Variants in NXPE2 observed in about 807,000 individuals in gnomAD.
The protein encoded by NXPE2 is neurexophilin and PC-esterase domain family member 2.
NXPE2 carries 34 observed loss-of-function variants against 34.4 expected under a neutral mutation model. The ratio of observed to expected loss-of-function variants is 0.99; its 90% CI spans 0.75 to 1.31. NXPE2 has a LOEUF of 1.31. NXPE2 is among the 40% of genes most tolerant of loss of function. The pLI is 0.00. For missense variants in NXPE2, 649 were observed against 672.5 expected, an observed-to-expected ratio of 0.97 and a Z score of 0.39; for synonymous variants, 235 against 231.3, an observed-to-expected ratio of 1.02 and a Z score of -0.15.
At chr11:114,627,395 C>T in the NXPE2 span, among the ~76,000 whole-genome samples, 1 of 151,636 alleles carries the variant, frequency 6.6e-6, no homozygotes, top group Admixed American at 6.6e-5. Flanking sequence ...ATTTTCAACC[C>T]AGAATTTCAT....
At chr11:114,666,157 C>T in the NXPE2 span, among the ~76,000 whole-genome samples, 1 of 152,160 alleles carries the variant, frequency 6.6e-6, no homozygotes, top group East Asian at 1.9e-4. Context: ...CCTTCTCCTT[C>T]TCTCTCTAAG....
the NXPE2 span, among the ~76,000 whole-genome samples, chr11:114,760,798 C>CTGAAAT: frequency 6.6e-6 from 1 of 152,150 alleles, no homozygotes; most frequent in Admixed American, 6.5e-5. Flanking sequence ...CAACTCTTCC[C>CTGAAAT]TGAAATTTCA....
the NXPE2 span, among the ~76,000 whole-genome samples, chr11:114,798,714 T>C: frequency 6.6e-6 from 1 of 152,206 alleles, no homozygotes; most frequent in Non-Finnish European, 1.5e-5. Context: ...TTTGCTACTT[T>C]TCATAGTTAA....
the NXPE2 span, among the ~76,000 whole-genome samples, chr11:114,743,267 T>C: frequency 7.0e-6 from 1 of 143,758 alleles, no homozygotes; most frequent in Non-Finnish European, 1.5e-5. Flanking sequence ...AGCAAAGTAA[T>C]TGTGCACCAA....
At chr11:114,567,682 GATT>G in the NXPE2 span, among the ~76,000 whole-genome samples, 5 of 151,836 alleles carry the variant, frequency 3.3e-5, no homozygotes, top group East Asian at 9.7e-4. Context: ...GGATGAGAAA[GATT>G]ATAACTGTAA....
the NXPE2 span, among the ~76,000 whole-genome samples, chr11:114,724,834 G>C: frequency 7.2e-6 from 1 of 138,730 alleles, no homozygotes; most frequent in African/African-American, 2.8e-5. Context: ...TATTGCTGTG[G>C]CTTCCATGGC....
chr11:114,811,349 A>AAT, the NXPE2 span, among the ~76,000 whole-genome samples: 1 of 151,216 alleles, frequency 6.6e-6, no homozygotes, highest in Non-Finnish European at 1.5e-5. Context: ...AATAAAATAA[A>AAT]AAAAATGCAA....
the NXPE2 span, among the ~76,000 whole-genome samples, chr11:114,770,690 T>C: frequency 6.6e-6 from 1 of 152,206 alleles, no homozygotes; most frequent in Non-Finnish European, 1.5e-5. Context: ...GCTTCCTTCA[T>C]CTCAAAGCAG....
At chr11:114,759,336 G>A in the NXPE2 span, among the ~76,000 whole-genome samples, 3 of 152,204 alleles carry the variant, frequency 2.0e-5, no homozygotes, top group African/African-American at 7.2e-5. Flanking sequence ...CCGTGGGGAA[G>A]CTGTTTCATG....
the NXPE2 span, among the ~76,000 whole-genome samples, chr11:114,516,938 C>T: frequency 6.6e-6 from 1 of 152,136 alleles, no homozygotes; most frequent in Admixed American, 6.5e-5. Context: ...TGGCACCCTT[C>T]CATAGTGGGC....
chr11:114,689,005 G>T (rs1157025041), intron 2 of NXPE2, among the ~76,000 whole-genome samples: 1 of 151,956 alleles, frequency 6.6e-6, no homozygotes, highest in East Asian at 1.9e-4. Context: ...CTAGCTAGTG[G>T]TCTATTGATC....
the NXPE2 span, among the ~76,000 whole-genome samples, chr11:114,813,276 G>T: frequency 6.6e-6 from 1 of 152,172 alleles, no homozygotes; most frequent in Admixed American, 6.5e-5. Flanking sequence ...GGATCTGTTT[G>T]TCTGGGCTCA....
the NXPE2 span, among the ~76,000 whole-genome samples, chr11:114,566,536 C>T: frequency 5.3e-5 from 8 of 152,124 alleles, no homozygotes; most frequent in South Asian, 4.1e-4. Context: ...CCATTAGTAC[C>T]GCTGGCAGGA....
the NXPE2 span, among the ~76,000 whole-genome samples, chr11:114,735,799 C>T: frequency 5.0e-4 from 76 of 152,120 alleles, 2 homozygotes; most frequent in Non-Finnish European, 4.1e-4. Flanking sequence ...GATCTGTAGC[C>T]TAGTGTTCCT....
chr11:114,544,923 C>A, the NXPE2 span, among the ~76,000 whole-genome samples: 3 of 151,996 alleles, frequency 2.0e-5, no homozygotes, highest in Non-Finnish European at 2.9e-5. Flanking sequence ...GGACACCTCA[C>A]CAAAGAAGAG....
chr11:114,560,304 T>G, the NXPE2 span, among the ~76,000 whole-genome samples: 1 of 149,170 alleles, frequency 6.7e-6, no homozygotes, highest in South Asian at 2.1e-4. Context: ...AAGGTTTTGC[T>G]CTGTTGCCCA....
chr11:114,606,508 C>T, the NXPE2 span, among the ~76,000 whole-genome samples: 1 of 151,642 alleles, frequency 6.6e-6, no homozygotes, highest in Non-Finnish European at 1.5e-5. Context: ...AGTGTTGCCT[C>T]TAGGGTAACC....
chr11:114,626,265 T>C, the NXPE2 span, among the ~76,000 whole-genome samples: 1 of 152,160 alleles, frequency 6.6e-6, no homozygotes, highest in African/African-American at 2.4e-5. Context: ...TCTGCAGACT[T>C]AAATGTCCCA....
the NXPE2 span, among the ~76,000 whole-genome samples, chr11:114,587,046 C>T: frequency 3.3e-5 from 5 of 152,082 alleles, no homozygotes; most frequent in Admixed American, 1.3e-4. Flanking sequence ...CCTAGTGGAA[C>T]GGGAACCCTA....
Sources: gnomAD v4.1 joint callset for allele counts (sites outside exome capture counted in the v4.1 genomes callset) on GRCh38, gnomAD v4.1.1 for gene constraint, MANE v1.5 for transcripts, NCBI Gene and HGNC (gene_info 2026-07-23, HGNC 2026-07-21) for gene names.